The following DUSP22 variants were observed in gnomAD, a reference collection of about 807,000 sequenced individuals.
DUSP22 encodes dual specificity phosphatase 22, also known as dual specificity protein phosphatase 22.
A neutral mutation model predicts 24.5 loss-of-function variants in DUSP22; 24 were observed. That is an observed-to-expected ratio of 0.98 (90% confidence interval 0.71 to 1.38). DUSP22 has a LOEUF of 1.38. Ranked by LOEUF, DUSP22 falls within the 40% of genes most tolerant of loss-of-function variation. The pLI is 0.00. For synonymous variants in DUSP22, 160 were observed against 106.4 expected (o/e 1.50, Z -3.10); for missense variants, 330 against 269.2 (o/e 1.23, Z -1.58).
intron 1 of DUSP22, among the ~76,000 whole-genome samples, chr6:300,149 A>G (rs1333210437): frequency 6.6e-6 from 1 of 152,306 alleles, no homozygotes; most frequent in Non-Finnish European, 1.5e-5. Context: ...TTAATTGACA[A>G]TATTTGAAAA....
intron 3 of DUSP22, among the ~76,000 whole-genome samples, chr6:324,237 C>A (rs1011187985): frequency 1.3e-5 from 2 of 152,306 alleles, no homozygotes; most frequent in African/African-American, 2.4e-5. Flanking sequence ...GGGCTCTGAC[C>A]GAGGTGACCT....
At chr6:315,125 G>C (rs1414015388) in intron 3 of DUSP22, among the ~76,000 whole-genome samples, 2 of 152,304 alleles carry the variant, frequency 1.3e-5, no homozygotes, top group South Asian at 2.1e-4. Context: ...AGGGAAAAAG[G>C]CCTATGTCTC....
chr6:312,242 C>T (rs1758144262), intron 3 of DUSP22, among the ~76,000 whole-genome samples: 2 of 152,304 alleles, frequency 1.3e-5, no homozygotes, highest in African/African-American at 4.8e-5. Flanking sequence ...CCCTCTGGAC[C>T]TTAAGGACAT....
At chr6:342,971 C>T (rs1759679473) in intron 4 of DUSP22, among the ~76,000 whole-genome samples, 1 of 152,308 alleles carries the variant, frequency 6.6e-6, no homozygotes, top group South Asian at 2.1e-4. Context: ...GGGGAGCTCC[C>T]AGCTGGCTAC....
rs2127423225 is a variant in DUSP22, at chr6:348,097, C to T, written c.264-6C>T. On this transcript the variant is annotated splice_region_variant and splice_polypyrimidine_tract_variant and intron_variant, in intron 5 of 6. Transcript: ENST00000419235. The stretch of plus-strand genomic sequence containing the variant: ...CCTCACACATGTGCTTCTCTTGGCC[C>T]CGCAGCCTGGCCGGGGTCTCCAGGA... 3.1e-6 allele frequency: 5 copies of T among 1,614,048 alleles called. No individual in the cohort carries two copies. Among genetic ancestry groups the T allele is most frequent in the Non-Finnish European group, 2.5e-6 (3 of 1,179,906 alleles).
intron 3 of DUSP22, among the ~76,000 whole-genome samples, chr6:322,858 A>T (rs1483389436): frequency 6.6e-6 from 1 of 151,138 alleles, no homozygotes; most frequent in East Asian, 1.9e-4. Flanking sequence ...TCGAGTCTGC[A>T]ATAGGAAGTT....
In DUSP22 at chr6:349,012, G is replaced by A; in HGVS notation, c.*61G>A. The A allele has an allele frequency of 1.3e-6, 2 of 1,542,782 alleles. No individual in the cohort carries two copies. The highest frequency in any genetic ancestry group is 8.7e-7 in the Non-Finnish European group (1 of 1,143,028). On this transcript the variant is annotated 3_prime_UTR_variant, in exon 7 of 7. Transcript: ENST00000419235. Reference sequence around the variant, plus strand: ...TCTTCAGTGTGCCCGGCTGGGCAGGGGTGCGGTGGTGGTGGCCGATGAGGA... The same window carrying A: ...TCTTCAGTGTGCCCGGCTGGGCAGGAGTGCGGTGGTGGTGGCCGATGAGGA...
At chr6:328,590 C>T (rs905645347) in intron 3 of DUSP22, among the ~76,000 whole-genome samples, 19 of 152,412 alleles carry the variant, frequency 1.2e-4, no homozygotes, top group South Asian at 2.1e-4. Context: ...GCTCCCTCCC[C>T]GCCCCATCAG....
chr6:306,259 G>C (rs1757810085), intron 2 of DUSP22, among the ~76,000 whole-genome samples: 1 of 152,308 alleles, frequency 6.6e-6, no homozygotes, highest in Admixed American at 6.5e-5. Context: ...TAGATGAAAG[G>C]TTTGAAATTA....
At chr6:292,825 C>T (rs1757152969) in intron 1 of DUSP22, among the ~76,000 whole-genome samples, 1 of 152,284 alleles carries the variant, frequency 6.6e-6, no homozygotes, top group African/African-American at 2.4e-5. Context: ...AAACAAGCCG[C>T]GCCCTTTGAA....
chr6:293,939 A>G (rs1227019718), intron 1 of DUSP22, among the ~76,000 whole-genome samples: 1 of 152,256 alleles, frequency 6.6e-6, no homozygotes, highest in African/African-American at 2.4e-5. Context: ...TTAAAACAGA[A>G]CAATAAAGAT....
At chr6:298,918 A>C (rs1368000383) in intron 1 of DUSP22, among the ~76,000 whole-genome samples, 2 of 152,306 alleles carry the variant, frequency 1.3e-5, no homozygotes, top group Non-Finnish European at 2.9e-5. Context: ...TTAGTCACTG[A>C]TAAATGTGGT....
chr6:301,066 C>T (rs560743233), intron 1 of DUSP22, among the ~76,000 whole-genome samples: 3 of 152,424 alleles, frequency 2.0e-5, no homozygotes, highest in East Asian at 3.9e-4. Context: ...GGGTCACACC[C>T]ATGTAGCAGC....
At chr6:339,463 A>C (rs1047397813) in intron 4 of DUSP22, among the ~76,000 whole-genome samples, 3 of 152,310 alleles carry the variant, frequency 2.0e-5, no homozygotes, top group Admixed American at 1.3e-4. Context: ...TTAGATGCAT[A>C]TTAACTTATA....
chr6:312,058 CG>C, intron 3 of DUSP22, 96 bp downstream of exon 3: 2 of 1,281,556 alleles, frequency 1.6e-6, no homozygotes, highest in Admixed American at 4.5e-5. Context: ...CTCTCCAATG[CG>C]AACGTACTCC....
At chr6:296,824 G>A (rs1017739521) in intron 1 of DUSP22, among the ~76,000 whole-genome samples, 22 of 152,414 alleles carry the variant, frequency 1.4e-4, no homozygotes, top group Middle Eastern at 3.4e-3. Flanking sequence ...AGGATATGAG[G>A]ACCCTCTGGT....
chr6:299,067 C>G (rs1757467688), intron 1 of DUSP22, among the ~76,000 whole-genome samples: 1 of 152,306 alleles, frequency 6.6e-6, no homozygotes, highest in African/African-American at 2.4e-5. Context: ...GCAGCAGTTT[C>G]AGAGGCCCAC....
intron 3 of DUSP22, among the ~76,000 whole-genome samples, chr6:313,543 T>C (rs1214772364): frequency 6.6e-6 from 1 of 152,310 alleles, no homozygotes; most frequent in African/African-American, 2.4e-5. Flanking sequence ...TTATTCCCTG[T>C]GTAGCTCAGT....
intron 4 of DUSP22, among the ~76,000 whole-genome samples, chr6:344,776 C>T (rs1206600987): frequency 1.3e-5 from 2 of 152,424 alleles, no homozygotes; most frequent in Admixed American, 6.5e-5. Flanking sequence ...GAGCTGCAGA[C>T]AGGACTGCCA....
Sources: gnomAD v4.1 joint callset for allele counts (sites outside exome capture counted in the v4.1 genomes callset) on GRCh38, gnomAD v4.1.1 for gene constraint, MANE v1.5 for transcripts, NCBI Gene and HGNC (gene_info 2026-07-23, HGNC 2026-07-21) for gene names.